GSK3B: variants seen among roughly 807,000 people sequenced by gnomAD.
The protein encoded by GSK3B is glycogen synthase kinase 3 beta.
In GSK3B, 15 loss-of-function variants were observed where a neutral mutation model predicts 56.4. The ratio of observed to expected loss-of-function variants is 0.27; its 90% CI spans 0.18 to 0.41. The LOEUF (loss-of-function observed/expected upper bound fraction) is 0.41. Ranked by LOEUF, GSK3B falls within the 10% of genes least tolerant of loss-of-function variation. The pLI, the probability that GSK3B is intolerant of heterozygous loss-of-function variation, is 1.00. For missense variants in GSK3B, 300 were observed against 513.4 expected, an observed-to-expected ratio of 0.58 and a Z score of 4.02; for synonymous variants, 181 against 188.9, an observed-to-expected ratio of 0.96 and a Z score of 0.34.
intron 2 of GSK3B, among the ~76,000 whole-genome samples, chr3:119,991,843 C>T (rs1037974): frequency 0.026 from 3,940 of 152,088 alleles, 177 homozygotes; most frequent in African/African-American, 0.089. Context: ...CAGTCCATCA[C>T]TTTTTAACAT....
intron 6 of GSK3B, among the ~76,000 whole-genome samples, chr3:119,911,550 T>C (rs964526240): frequency 2.0e-5 from 3 of 152,146 alleles, no homozygotes; most frequent in African/African-American, 4.8e-5. Flanking sequence ...CTTCCATCTC[T>C]AGAAAATCTA....
intron 10 of GSK3B, among the ~76,000 whole-genome samples, chr3:119,841,118 T>C (rs2055764885): frequency 6.6e-6 from 1 of 152,222 alleles, no homozygotes; most frequent in Non-Finnish European, 1.5e-5. Context: ...CAATTCAACT[T>C]TGGAGTAAAC....
At chr3:119,981,061 A>T (rs2057456246) in intron 2 of GSK3B, among the ~76,000 whole-genome samples, 1 of 152,226 alleles carries the variant, frequency 6.6e-6, no homozygotes, top group Non-Finnish European at 1.5e-5. Flanking sequence ...TAGCTGGACA[A>T]CTGGCCTGCT....
intron 1 of GSK3B, among the ~76,000 whole-genome samples, chr3:120,040,004 G>A (rs1295170771): frequency 6.6e-6 from 1 of 152,218 alleles, no homozygotes; most frequent in Admixed American, 6.5e-5. Context: ...GGCCCACCCA[G>A]TGTGACAAAT....
intron 6 of GSK3B, among the ~76,000 whole-genome samples, chr3:119,910,579 G>A (rs1192704869): frequency 6.6e-6 from 1 of 152,162 alleles, no homozygotes; most frequent in African/African-American, 2.4e-5. Flanking sequence ...TGATCAGGGT[G>A]GCAGTTGCTG....
intron 3 of GSK3B, among the ~76,000 whole-genome samples, chr3:119,935,529 C>A (rs919239355): frequency 6.6e-6 from 1 of 152,130 alleles, no homozygotes; most frequent in Non-Finnish European, 1.5e-5. Flanking sequence ...CCCCACTACC[C>A]CAACTTTATA....
At chr3:120,063,922 G>A (rs528360888) in intron 1 of GSK3B, among the ~76,000 whole-genome samples, 1 of 152,038 alleles carries the variant, frequency 6.6e-6, no homozygotes, top group African/African-American at 2.4e-5. Flanking sequence ...AGGAGACAGA[G>A]GTCACAGTGA....
At chr3:119,909,608 T>C (rs898455767) in intron 6 of GSK3B, among the ~76,000 whole-genome samples, 2 of 152,200 alleles carry the variant, frequency 1.3e-5, no homozygotes, top group Admixed American at 1.3e-4. Flanking sequence ...CAGTTCCTTC[T>C]ATCACTAAAC....
At chr3:120,029,415 TTA>T in intron 1 of GSK3B, 1 of 747,266 alleles carries the variant, frequency 1.3e-6, no homozygotes, top group Non-Finnish European at 2.5e-6. Context: ...AGCAAATATC[TTA>T]TGTTTTGTGG....
chr3:120,037,135 A>G lies in GSK3B; in HGVS notation c.89-34896T>C, dbSNP rs561489848. ...TAGAAATACTCCTTATTCACTAGCA[A>G]TTACTTGAAACAAACAAAAAAATTG... On this transcript the variant is annotated intron_variant, in intron 1 of 10. Transcript: ENST00000264235. Among the ~76,000 whole-genome samples, 7 of 152,338 alleles carry G rather than the reference A, an allele frequency of 4.6e-5. No individual in the cohort carries two copies. In the South Asian group the frequency reaches 1.5e-3, roughly 32 times the overall value.
chr3:119,921,171 T>C (rs1052350783), intron 4 of GSK3B, among the ~76,000 whole-genome samples: 3 of 152,214 alleles, frequency 2.0e-5, no homozygotes, highest in Non-Finnish European at 4.4e-5. Context: ...CTATGGAGGA[T>C]GCTATGGAAT....
At chr3:120,015,679 A>AG (rs2057819741) in intron 1 of GSK3B, among the ~76,000 whole-genome samples, 9 of 135,268 alleles carry the variant, frequency 6.7e-5, no homozygotes, top group Non-Finnish European at 1.3e-4. Flanking sequence ...AAAAAAAAAA[A>AG]CTAGACATTA....
intron 2 of GSK3B, among the ~76,000 whole-genome samples, chr3:119,989,411 G>A (rs1434418208): frequency 6.6e-6 from 1 of 152,120 alleles, no homozygotes; most frequent in East Asian, 1.9e-4. Context: ...GGGAGGCTGA[G>A]GCACATGTAT....
At chr3:120,070,561 AT>A (rs1438772211) in intron 1 of GSK3B, among the ~76,000 whole-genome samples, 9 of 152,250 alleles carry the variant, frequency 5.9e-5, no homozygotes, top group African/African-American at 2.2e-4. Flanking sequence ...AAAAAAAAAA[AT>A]GTATGGAATA....
chr3:119,883,148 T>C (rs758116756), intron 7 of GSK3B, among the ~76,000 whole-genome samples: 186 of 152,306 alleles, frequency 1.2e-3, no homozygotes, highest in Non-Finnish European at 2.1e-3. Flanking sequence ...ATTCAACTAC[T>C]ATCATTTTTC....
chr3:120,032,044 A>G (rs2057980761), intron 1 of GSK3B, among the ~76,000 whole-genome samples: 1 of 152,218 alleles, frequency 6.6e-6, no homozygotes, highest in South Asian at 2.1e-4. Flanking sequence ...TTTGAATCGA[A>G]CGTTCTGAAA....
At position 119,891,625 on chromosome 3, in the gene GSK3B, C is replaced by T. The variant is rs551955774; in HGVS notation, c.813+14130G>A. On this transcript the variant is annotated intron_variant, in intron 7 of 10. Transcript: ENST00000264235. ...GATGGAAATTTTTTTTCCTCCAAAACGTTTAGACTAAAGACATATATTTTG... is the reference window on the plus strand; with the variant it reads ...GATGGAAATTTTTTTTCCTCCAAAATGTTTAGACTAAAGACATATATTTTG... Among the ~76,000 whole-genome samples, 3 of 152,116 alleles carry T rather than the reference C, an allele frequency of 2.0e-5. 1 individual carries two copies. Among genetic ancestry groups the T allele is most frequent in the South Asian group, 4.1e-4 (2 of 4,824 alleles).
chr3:119,941,092 T>C (rs1232022899), intron 3 of GSK3B, among the ~76,000 whole-genome samples: 2 of 151,536 alleles, frequency 1.3e-5, no homozygotes, highest in African/African-American at 2.4e-5. Context: ...CTCGGCTCAC[T>C]GCAACCTCTG....
At chr3:120,090,172 A>G (rs1360933589) in intron 1 of GSK3B, among the ~76,000 whole-genome samples, 1 of 152,084 alleles carries the variant, frequency 6.6e-6, no homozygotes, top group African/African-American at 2.4e-5. Flanking sequence ...GATCTGAAAT[A>G]AGCCATCATG....
Sources: gnomAD v4.1 joint callset for allele counts (sites outside exome capture counted in the v4.1 genomes callset) on GRCh38, gnomAD v4.1.1 for gene constraint, MANE v1.5 for transcripts, NCBI Gene and HGNC (gene_info 2026-07-23, HGNC 2026-07-21) for gene names.